The following PTGER3 variants were observed in gnomAD, a reference collection of about 807,000 sequenced individuals.
PTGER3 encodes prostaglandin E receptor 3.
In PTGER3, 22 loss-of-function variants were observed where a neutral mutation model predicts 34.7. The observed-to-expected ratio is 0.63, with a 90% CI of 0.45 to 0.91. The LOEUF (loss-of-function observed/expected upper bound fraction) is 0.91. Ranked by LOEUF, PTGER3 falls within the 40% of genes least tolerant of loss-of-function variation. The pLI is 0.00. For missense variants in PTGER3, 468 were observed against 519.4 expected, an observed-to-expected ratio of 0.90 and a Z score of 0.96; for synonymous variants, 241 against 230.1, an observed-to-expected ratio of 1.05 and a Z score of -0.43.
At chr1:70,999,524 C>G (rs1190629043) in intron 2 of PTGER3, among the ~76,000 whole-genome samples, 1 of 152,086 alleles carries the variant, frequency 6.6e-6, no homozygotes, top group Non-Finnish European at 1.5e-5. Flanking sequence ...TTGTATTTTA[C>G]CAGAAGAAGC....
At chr1:71,009,490 A>G (rs1657254355) in intron 2 of PTGER3, 1 of 981,932 alleles carries the variant, frequency 1.0e-6, no homozygotes. Flanking sequence ...TATTTTTAAG[A>G]CATTCATCAT....
chr1:71,043,491 G>A (rs1349793455), intron 1 of PTGER3, among the ~76,000 whole-genome samples: 11 of 152,154 alleles, frequency 7.2e-5, no homozygotes, highest in Admixed American at 7.2e-4. Flanking sequence ...TTTTCCTGCA[G>A]TAACAACTGA....
At chr1:70,853,721 A>T (rs1326996659) in intron 4 of PTGER3, among the ~76,000 whole-genome samples, 4 of 152,204 alleles carry the variant, frequency 2.6e-5, no homozygotes, top group African/African-American at 9.6e-5. Context: ...TAAATAGGTT[A>T]AGTGATCCCA....
At chr1:70,982,431 C>G (rs1241394312) in intron 2 of PTGER3, among the ~76,000 whole-genome samples, 1 of 152,114 alleles carries the variant, frequency 6.6e-6, no homozygotes, top group Non-Finnish European at 1.5e-5. Context: ...CAGTATATGA[C>G]ACTGCTCCTG....
At chr1:70,963,549 A>C (rs1329947425) in intron 2 of PTGER3, among the ~76,000 whole-genome samples, 1 of 152,200 alleles carries the variant, frequency 6.6e-6, no homozygotes, top group Non-Finnish European at 1.5e-5. Flanking sequence ...CACCGTGTGG[A>C]AGCTGCCAAG....
chr1:70,986,387 T>C (rs1301265046), intron 2 of PTGER3, among the ~76,000 whole-genome samples: 2 of 152,174 alleles, frequency 1.3e-5, no homozygotes, highest in African/African-American at 4.8e-5. Context: ...GGGATCTGGA[T>C]TGGGACCCCT....
At chr1:71,046,550 C>T (rs1217226809) in intron 1 of PTGER3, 131 bp downstream of exon 1, 12 of 1,145,220 alleles carry the variant, frequency 1.0e-5, no homozygotes, top group Middle Eastern at 5.0e-4. Context: ...ACCGCGCGGG[C>T]AGGAGGAAAG....
chr1:70,963,110 A>T (rs1014439921), intron 2 of PTGER3, among the ~76,000 whole-genome samples: 2 of 152,116 alleles, frequency 1.3e-5, no homozygotes, highest in Admixed American at 1.3e-4. Context: ...CTCCAAAATG[A>T]TCTCCTTTGA....
rs111375281 is a variant in PTGER3 at position 70,924,703 on chromosome 1, C to T, written c.*23+29060G>A. 8.5e-5 allele frequency among the ~76,000 whole-genome samples: 13 copies of T among 152,150 alleles called. 1 individual carries two copies. Among genetic ancestry groups the T allele is most frequent in the Non-Finnish European group, 1.2e-4 (8 of 68,032 alleles). Reference sequence around the variant, plus strand: ...TCTTTTTGTAGGAATTCAGGAGAAACTTACTAAACATTCTCTTAAATTAAA... The same window carrying T: ...TCTTTTTGTAGGAATTCAGGAGAAATTTACTAAACATTCTCTTAAATTAAA... On this transcript the variant is annotated intron_variant, in intron 4 of 4. Coordinates refer to the PTGER3 transcript ENST00000370931.
At chr1:70,898,828 T>C (rs1292878950) in intron 4 of PTGER3, among the ~76,000 whole-genome samples, 11 of 152,280 alleles carry the variant, frequency 7.2e-5, no homozygotes, top group Non-Finnish European at 2.9e-5. Flanking sequence ...CTCATGTTCC[T>C]TTTTCCCTCT....
At chr1:70,891,705 A>G (rs1377882394) in intron 4 of PTGER3, among the ~76,000 whole-genome samples, 1 of 152,198 alleles carries the variant, frequency 6.6e-6, no homozygotes, top group Non-Finnish European at 1.5e-5. Context: ...TAGAGCTTGC[A>G]GGCTTGCATA....
At chr1:70,856,885 C>T (rs573422894) in intron 4 of PTGER3, among the ~76,000 whole-genome samples, 62 of 152,236 alleles carry the variant, frequency 4.1e-4, no homozygotes, top group African/African-American at 1.4e-3. Flanking sequence ...CTGTAACAAC[C>T]GCTAGAAGCA....
chr1:70,935,672 AATAT>A lies in PTGER3; in HGVS notation c.*23+18087_*23+18090del, dbSNP rs10577850. Among the ~76,000 whole-genome samples, 174 of 140,130 alleles carry A rather than the reference AATAT, an allele frequency of 1.2e-3. 2 individuals carry two copies. Among genetic ancestry groups the A allele is most frequent in the South Asian group, 2.7e-3 (12 of 4,486 alleles). 91.9% of individuals were successfully genotyped at this position (140,130 alleles called of 152,430 possible). A position where few individuals can be genotyped will look rare whatever the true frequency, so the allele number is the denominator to read the frequency against. ...TGTTGGTACTAAGGATACAAATATA[AATAT>A]ATATATATATATATATATGTTCTGC... On this transcript the variant is annotated intron_variant, in intron 4 of 4. Transcript: ENST00000370931.
At chr1:70,979,686 A>G (rs1654067410) in intron 2 of PTGER3, among the ~76,000 whole-genome samples, 1 of 152,126 alleles carries the variant, frequency 6.6e-6, no homozygotes, top group Non-Finnish European at 1.5e-5. Flanking sequence ...CAAAGTGGGC[A>G]GGCTGGGGAC....
chr1:70,943,340 G>A (rs776966738), intron 4 of PTGER3, among the ~76,000 whole-genome samples: 1 of 152,134 alleles, frequency 6.6e-6, no homozygotes. Flanking sequence ...TATGGCCAGG[G>A]TGACAATCAT....
At chr1:70,900,983 G>T (rs1433324540) in intron 4 of PTGER3, among the ~76,000 whole-genome samples, 1 of 152,174 alleles carries the variant, frequency 6.6e-6, no homozygotes, top group African/African-American at 2.4e-5. Context: ...GTATGGCCCA[G>T]AAATTATTGT....
At chr1:70,888,500 TTGTG>T (rs760642832) in intron 4 of PTGER3, among the ~76,000 whole-genome samples, 2 of 150,930 alleles carry the variant, frequency 1.3e-5, no homozygotes, top group East Asian at 2.0e-4. Flanking sequence ...ATAGTTACCT[TTGTG>T]TGTGTGTGTT....
intron 2 of PTGER3, chr1:71,011,676 G>C (rs534655370): frequency 2.2e-5 from 21 of 974,942 alleles, no homozygotes; most frequent in African/African-American, 1.9e-4. Context: ...CTAATTTGCT[G>C]TATTGAGCAA....
chr1:70,895,412 C>G (rs1646703708), intron 4 of PTGER3, among the ~76,000 whole-genome samples: 1 of 152,132 alleles, frequency 6.6e-6, no homozygotes. Flanking sequence ...ATTTAAGTGG[C>G]TGCCTATGAT....
Sources: allele counts gnomAD v4.1 joint callset (sites outside exome capture counted in the v4.1 genomes callset), GRCh38; gene constraint gnomAD v4.1.1; transcripts MANE v1.5; gene names NCBI Gene and HGNC (gene_info 2026-07-23, HGNC 2026-07-21).